Variants in REL observed in about 807,000 individuals in gnomAD.
REL encodes the protein REL proto-oncogene, NF-kB subunit.
Under a neutral mutation model 45.9 loss-of-function variants are expected in REL, and 15 were observed. The ratio of observed to expected loss-of-function variants is 0.33; its 90% confidence interval spans 0.22 to 0.50. The LOEUF (loss-of-function observed/expected upper bound fraction) is 0.50. REL is among the 20% of genes least tolerant of loss of function. REL has a pLI of 0.98. For missense variants in REL, 601 were observed against 715.2 expected (o/e 0.84, Z 1.82); for synonymous variants, 239 against 242.1 (o/e 0.99, Z 0.12).
chr2:60,883,452 T>C (rs1672998944), intron 1 of REL, among the ~76,000 whole-genome samples: 1 of 152,242 alleles, frequency 6.6e-6, no homozygotes, highest in Admixed American at 6.5e-5. Flanking sequence ...GATAATCGTG[T>C]AAATTTATGA....
chr2:60,917,546 T>TG (rs70959875), intron 5 of REL, among the ~76,000 whole-genome samples: 3 of 149,980 alleles, frequency 2.0e-5, no homozygotes, highest in Admixed American at 6.6e-5. Flanking sequence ...TTTTTTTTTT[T>TG]GGAGACAGGG....
chr2:60,928,222 C>G lies in REL; in HGVS notation c.*5687C>G, dbSNP rs919963048. ...TTCCATGCTCATGGGTAGGAAGAAT[C>G]AATATCGTGAAAATGGCCATACTGC... is the stretch of plus-strand genomic sequence containing the variant. On this transcript the variant is annotated 3_prime_UTR_variant, in exon 10 of 10. Coordinates refer to ENST00000394479, the MANE Select transcript of REL (RefSeq NM_001291746.2). 3 of 164,656 alleles carry G rather than the reference C, an allele frequency of 1.8e-5. No homozygotes were observed. Among genetic ancestry groups the G allele is most frequent in the Non-Finnish European group, 2.6e-5 (2 of 75,780 alleles). The allele number at this position is 164,656 out of a possible 1,614,324, so 10.2% of individuals were successfully genotyped here.
At chr2:60,921,727 A>G (rs1674144849) in intron 9 of REL, 36 bp from the exon 10 acceptor site, 1 of 1,542,664 alleles carries the variant, frequency 6.5e-7, no homozygotes, top group East Asian at 2.3e-5. Flanking sequence ...AATTTTGTTC[A>G]TTTTAATTTC....
intron 3 of REL, among the ~76,000 whole-genome samples, chr2:60,896,089 ACCTC>A (rs1484135922): frequency 6.6e-6 from 1 of 151,126 alleles, no homozygotes; most frequent in African/African-American, 2.4e-5. Context: ...TGCAACCTCC[ACCTC>A]CCTGGTTCAA....
chr2:60,912,904 C>T (rs557595010), intron 4 of REL, among the ~76,000 whole-genome samples: 4 of 151,902 alleles, frequency 2.6e-5, no homozygotes, highest in African/African-American at 4.8e-5. Context: ...TTAATTAAGT[C>T]GGATTCCCTA....
intron 1 of REL, among the ~76,000 whole-genome samples, chr2:60,887,553 C>T (rs753100806): frequency 6.2e-4 from 94 of 151,504 alleles, no homozygotes; most frequent in Non-Finnish European, 1.5e-4. Context: ...AGAAATAAGA[C>T]GGTAAGTTTT....
intron 1 of REL, among the ~76,000 whole-genome samples, chr2:60,885,359 C>CT: frequency 6.6e-6 from 1 of 152,218 alleles, no homozygotes; most frequent in South Asian, 2.1e-4. Context: ...TTGTTTTTAA[C>CT]TTTAATACCT....
rs2103990545 is a variant in REL, at chr2:60,922,456, A to G, written c.1685A>G (p.Asp562Gly). Reference sequence around the variant, plus strand: ...CCAAACAGTCATGGTTTTGTTCAAGATAGTCAGTATTCAGGTATTGGCAGT... The same window carrying G: ...CCAAACAGTCATGGTTTTGTTCAAGGTAGTCAGTATTCAGGTATTGGCAGT... ...TNPNSHGFVQ[D>G]SQYSGIGSMQ... The change falls in exon 10 of 10, where the codon GAT becomes GGT. Residue 562 changes from aspartate (D) to glycine (G), a missense_variant. This residue lies in a region of REL where 334 missense variants were observed against 333.1 expected (regional missense o/e 1.00). Coordinates refer to ENST00000394479, the MANE Select transcript of REL (RefSeq NM_001291746.2). 3 of 1,614,004 alleles carry G rather than the reference A, an allele frequency of 1.9e-6. No individual in the cohort carries two copies. Among genetic ancestry groups the G allele is most frequent in the South Asian group, 1.1e-5 (1 of 91,084 alleles).
Position 60,926,970 on chromosome 2 carries a change from T to G in REL, c.*4435T>G, listed in dbSNP as rs530183314. The G allele has an allele frequency of 8.4e-5, 19 of 227,142 alleles. 1 individual carries two copies. The East Asian group carries it at 1.2e-3, about 14-fold the overall frequency. 14.1% of individuals were successfully genotyped at this position (227,142 alleles called of 1,614,324 possible). Reference sequence around the variant, plus strand: ...TGAAAAAAAACAATTCTCTCAGGCCTCCATACCTTTAGCATGTTACCCACT... The same window carrying G: ...TGAAAAAAAACAATTCTCTCAGGCCGCCATACCTTTAGCATGTTACCCACT... On this transcript the variant is annotated 3_prime_UTR_variant, in exon 10 of 10. Transcript: ENST00000394479.
At chr2:60,890,185 T>G (rs1673172527) in intron 1 of REL, among the ~76,000 whole-genome samples, 1 of 152,250 alleles carries the variant, frequency 6.6e-6, no homozygotes, top group Admixed American at 6.5e-5. Flanking sequence ...TGATTTGCAT[T>G]TCTCTGATGG....
chr2:60,915,542 A>T, intron 4 of REL, among the ~76,000 whole-genome samples: 1 of 152,352 alleles, frequency 6.6e-6, no homozygotes, highest in Middle Eastern at 3.4e-3. Flanking sequence ...TAGACTCTCA[A>T]TGTCATTAAA....
At chr2:60,901,852 G>A (rs1257783010) in intron 4 of REL, among the ~76,000 whole-genome samples, 1 of 152,118 alleles carries the variant, frequency 6.6e-6, no homozygotes, top group Non-Finnish European at 1.5e-5. Context: ...GCATATTTGT[G>A]TATATGACTA....
intron 7 of REL, among the ~76,000 whole-genome samples, chr2:60,919,126 C>G (rs1267599949): frequency 6.6e-6 from 1 of 152,222 alleles, no homozygotes; most frequent in African/African-American, 2.4e-5. Flanking sequence ...TCTTTGTGCA[C>G]TTACCACTCA....
rs765608084 is a variant in REL at position 60,921,739 on chromosome 2, T to G, written c.992-24T>G. 1.9e-6 allele frequency: 3 copies of G among 1,561,224 alleles called. No individual in the cohort carries two copies. In the South Asian group the frequency reaches 3.5e-5, roughly 18 times the overall value. On this transcript the variant is annotated intron_variant, in intron 9 of 9. Coordinates refer to ENST00000394479, the MANE Select transcript of REL (RefSeq NM_001291746.2). Reference sequence around the variant, plus strand: ...TATAATTTTGTTCATTTTAATTTCGTAAAATAAATTTTTCCTCCCACAGAA... The same window carrying G: ...TATAATTTTGTTCATTTTAATTTCGGAAAATAAATTTTTCCTCCCACAGAA...
chr2:60,901,460 C>T (rs1013772278), intron 4 of REL, among the ~76,000 whole-genome samples: 3 of 152,152 alleles, frequency 2.0e-5, no homozygotes, highest in African/African-American at 7.2e-5. Context: ...TTGTGCCCAG[C>T]TATTTATATC....
intron 4 of REL, among the ~76,000 whole-genome samples, chr2:60,907,643 CA>C (rs1673697960): frequency 6.6e-6 from 1 of 151,938 alleles, no homozygotes. Flanking sequence ...AAAAAACAAA[CA>C]AACTAAAACG....
chr2:60,913,052 T>C (rs1241288318), intron 4 of REL, among the ~76,000 whole-genome samples: 1 of 152,180 alleles, frequency 6.6e-6, no homozygotes, highest in African/African-American at 2.4e-5. Context: ...ACAAAGTGTT[T>C]TCTATAAAAC....
chr2:60,914,563 T>C (rs1673906559), intron 4 of REL, among the ~76,000 whole-genome samples: 1 of 152,188 alleles, frequency 6.6e-6, no homozygotes, highest in Admixed American at 6.5e-5. Flanking sequence ...TACAATAAAA[T>C]CTACCCGAAT....
chr2:60,918,213 A>G lies in REL; in HGVS notation c.558A>G (p.Leu186=). ...TAGGTGCTCCAAATACTGCAGAATT[A>G]AGGATTTGTCGTGTAAACAAGAATT... The part of the protein sequence containing the change: ...YDNRAPNTAE[L]RICRVNKNCG... Residue 186 remains leucine, a synonymous_variant, in exon 6 of 10, where the codon TTA becomes TTG. Transcript: ENST00000394479. The G allele has an allele frequency of 6.2e-7, 1 of 1,604,800 alleles. No individual in the cohort carries two copies. The highest frequency in any genetic ancestry group is 1.1e-5 in the South Asian group (1 of 89,600).
Sources: allele counts gnomAD v4.1 joint callset (sites outside exome capture counted in the v4.1 genomes callset), GRCh38; gene constraint gnomAD v4.1.1; regional missense constraint gnomAD v4.1.1; transcripts MANE v1.5; gene names NCBI Gene and HGNC (gene_info 2026-07-23, HGNC 2026-07-21).